Variants in RIMS1 observed in about 807,000 individuals in gnomAD.
The protein encoded by RIMS1 is regulating synaptic membrane exocytosis protein 1.
Under a neutral mutation model 214.1 loss-of-function variants are expected in RIMS1, and 83 were observed. The ratio of observed to expected loss-of-function variants is 0.39; its 90% CI spans 0.32 to 0.47. The LOEUF (loss-of-function observed/expected upper bound fraction) is 0.47. Ranked by LOEUF, RIMS1 falls within the 20% of genes least tolerant of loss-of-function variation. RIMS1 has a pLI of 0.99. For synonymous variants in RIMS1, 793 were observed against 786.8 expected (o/e 1.01, Z -0.13); for missense variants, 2,050 against 2,161.8 (o/e 0.95, Z 1.03).
intron 16 of RIMS1, 122 bp from the exon 17 acceptor site, chr6:72,258,003 G>A (rs559880508): frequency 4.8e-5 from 40 of 837,134 alleles, no homozygotes; most frequent in Non-Finnish European, 6.9e-5. Context: ...TATTAATACC[G>A]ATTGCATGAC....
intron 6 of RIMS1, among the ~76,000 whole-genome samples, chr6:72,189,880 C>A (rs949701492): frequency 2.0e-5 from 3 of 152,206 alleles, no homozygotes; most frequent in African/African-American, 7.2e-5. Context: ...TGGAGGTCAC[C>A]TGTTGGTGAA....
chr6:71,923,557 C>T (rs1163419063), intron 1 of RIMS1, among the ~76,000 whole-genome samples: 3 of 151,720 alleles, frequency 2.0e-5, no homozygotes, highest in Non-Finnish European at 4.4e-5. Context: ...TACTATACCT[C>T]TTTTTGTGAC....
chr6:71,987,912 T>C (rs1356534350), intron 2 of RIMS1, among the ~76,000 whole-genome samples: 2 of 152,110 alleles, frequency 1.3e-5, no homozygotes, highest in Non-Finnish European at 2.9e-5. Flanking sequence ...AGGAGCAATT[T>C]TGAGTTGATG....
chr6:72,176,883 T>G (rs1047168156), intron 4 of RIMS1, among the ~76,000 whole-genome samples: 4 of 152,234 alleles, frequency 2.6e-5, no homozygotes, highest in African/African-American at 9.6e-5. Flanking sequence ...ATTCAACTTA[T>G]TTAATAATAA....
At chr6:72,127,412 T>A (rs1374417443) in intron 4 of RIMS1, among the ~76,000 whole-genome samples, 1 of 152,184 alleles carries the variant, frequency 6.6e-6, no homozygotes, top group African/African-American at 2.4e-5. Context: ...GTACATAAAG[T>A]TATTTAAATT....
chr6:71,961,389 C>T (rs1347151454), intron 1 of RIMS1, among the ~76,000 whole-genome samples: 1 of 151,498 alleles, frequency 6.6e-6, no homozygotes, highest in Non-Finnish European at 1.5e-5. Context: ...TTCCACTTCC[C>T]CTTCTCTCCT....
intron 28 of RIMS1, among the ~76,000 whole-genome samples, chr6:72,320,826 A>G (rs2096112452): frequency 6.6e-6 from 1 of 152,028 alleles, no homozygotes; most frequent in Admixed American, 6.6e-5. Context: ...TACAGTTAAT[A>G]GACTTTATAC....
At chr6:72,000,372 TAGC>T (rs1804782930) in intron 2 of RIMS1, among the ~76,000 whole-genome samples, 1 of 152,200 alleles carries the variant, frequency 6.6e-6, no homozygotes, top group African/African-American at 2.4e-5. Context: ...CAAGCATATC[TAGC>T]AGATTTATAA....
At chr6:72,029,744 A>G (rs1055276504) in intron 2 of RIMS1, among the ~76,000 whole-genome samples, 2 of 152,174 alleles carry the variant, frequency 1.3e-5, no homozygotes, top group Non-Finnish European at 2.9e-5. Flanking sequence ...TCTGTCCCAT[A>G]TGCTCGAACA....
intron 3 of RIMS1, among the ~76,000 whole-genome samples, chr6:72,097,827 G>T (rs9442734): frequency 1.3e-5 from 2 of 152,024 alleles, no homozygotes; most frequent in African/African-American, 2.4e-5. Flanking sequence ...TTTTTGAAGC[G>T]TTAAGATGCT....
intron 4 of RIMS1, among the ~76,000 whole-genome samples, chr6:72,152,740 T>G (rs531240418): frequency 7.2e-6 from 1 of 138,350 alleles, no homozygotes; most frequent in African/African-American, 2.7e-5. Context: ...ATGGAATATA[T>G]GTATATATAT....
At chr6:71,954,893 A>ACACC (rs1790764334) in intron 1 of RIMS1, among the ~76,000 whole-genome samples, 1 of 150,730 alleles carries the variant, frequency 6.6e-6, no homozygotes, top group Admixed American at 6.6e-5. Context: ...ACACACACAC[A>ACACC]CCTAGAGGTG....
chr6:71,945,882 T>C (rs1359413245), intron 1 of RIMS1, among the ~76,000 whole-genome samples: 1 of 151,902 alleles, frequency 6.6e-6, no homozygotes, highest in Non-Finnish European at 1.5e-5. Context: ...CCCAAGTAGC[T>C]GAGATTACAG....
chr6:72,148,019 G>A (rs986904522), intron 4 of RIMS1, among the ~76,000 whole-genome samples: 3 of 152,168 alleles, frequency 2.0e-5, no homozygotes, highest in African/African-American at 7.2e-5. Context: ...AGACAAAGAG[G>A]TTACCTTCAT....
chr6:72,049,172 A>T (rs1186101494), intron 2 of RIMS1, among the ~76,000 whole-genome samples: 1 of 152,204 alleles, frequency 6.6e-6, no homozygotes, highest in African/African-American at 2.4e-5. Context: ...TTGAAGAAAC[A>T]AAAGTGTCTG....
intron 26 of RIMS1, among the ~76,000 whole-genome samples, chr6:72,306,490 G>A (rs1471119820): frequency 2.6e-5 from 4 of 152,158 alleles, no homozygotes; most frequent in African/African-American, 4.8e-5. Context: ...GCTGATGGTG[G>A]ATTCTAACTT....
intron 7 of RIMS1, 67 bp downstream of exon 7, chr6:72,233,907 G>T: frequency 1.0e-6 from 1 of 973,648 alleles, no homozygotes; most frequent in Non-Finnish European, 1.6e-6. Context: ...TCCTTTGTCT[G>T]ATATGTGATA....
chr6:72,213,564 A>G (rs2054345473), intron 6 of RIMS1, among the ~76,000 whole-genome samples: 1 of 152,174 alleles, frequency 6.6e-6, no homozygotes, highest in Non-Finnish European at 1.5e-5. Context: ...AGGCTACCTA[A>G]TTGTGCATGG....
chr6:71,958,122 A>G (rs1485668322), intron 1 of RIMS1, among the ~76,000 whole-genome samples: 3 of 152,110 alleles, frequency 2.0e-5, no homozygotes, highest in Non-Finnish European at 2.9e-5. Flanking sequence ...TGCTTAATAA[A>G]TCTAAGTTAT....
Sources: gnomAD v4.1 joint callset for allele counts (sites outside exome capture counted in the v4.1 genomes callset) on GRCh38, gnomAD v4.1.1 for gene constraint, MANE v1.5 for transcripts, NCBI Gene and HGNC (gene_info 2026-07-23, HGNC 2026-07-21) for gene names.